Variants in GALNT13 observed in about 807,000 individuals in gnomAD.
GALNT13 encodes polypeptide N-acetylgalactosaminyltransferase 13.
Under a neutral mutation model 64.2 loss-of-function variants are expected in GALNT13, and 28 were observed. That is an observed-to-expected ratio of 0.44 (90% confidence interval 0.32 to 0.60). The LOEUF is 0.60. GALNT13 is among the 20% of genes least tolerant of loss of function. The pLI is 0.05. For missense variants in GALNT13, 577 were observed against 669.8 expected (o/e 0.86, Z 1.53); for synonymous variants, 214 against 224.6 (o/e 0.95, Z 0.42).
chr2:153,925,782 T>C (rs1690093726), intron 2 of GALNT13, among the ~76,000 whole-genome samples: 1 of 152,144 alleles, frequency 6.6e-6, no homozygotes, highest in Admixed American at 6.6e-5. Context: ...ATTTCCCTTG[T>C]CAGTTGTATT....
chr2:154,017,882 G>A (rs1697114823), intron 3 of GALNT13, among the ~76,000 whole-genome samples: 1 of 152,144 alleles, frequency 6.6e-6, no homozygotes, highest in African/African-American at 2.4e-5. Flanking sequence ...TTTTAGTTGT[G>A]ACATGTATTG....
the GALNT13 span, among the ~76,000 whole-genome samples, chr2:153,723,253 AC>A: frequency 2.0e-5 from 3 of 147,456 alleles, no homozygotes; most frequent in South Asian, 2.2e-4. Flanking sequence ...AAATTCAACA[AC>A]CCTTCATGCT....
At chr2:154,341,990 C>A (rs1695797419) in intron 9 of GALNT13, among the ~76,000 whole-genome samples, 1 of 151,918 alleles carries the variant, frequency 6.6e-6, no homozygotes, top group Non-Finnish European at 1.5e-5. Context: ...AAGTTTTGAG[C>A]CTGAACAAAC....
the GALNT13 span, among the ~76,000 whole-genome samples, chr2:153,161,534 A>G: frequency 6.6e-6 from 1 of 152,140 alleles, no homozygotes; most frequent in Non-Finnish European, 1.5e-5. Flanking sequence ...CTTAAATGGG[A>G]TGGTGATATT....
the GALNT13 span, among the ~76,000 whole-genome samples, chr2:153,855,728 C>T: frequency 2.0e-5 from 3 of 152,086 alleles, no homozygotes; most frequent in Non-Finnish European, 4.4e-5. Flanking sequence ...CAATTTCACT[C>T]CTAGGTATAT....
At chr2:154,052,260 A>T (rs1423198100) in intron 3 of GALNT13, among the ~76,000 whole-genome samples, 1 of 152,176 alleles carries the variant, frequency 6.6e-6, no homozygotes, top group Admixed American at 6.5e-5. Context: ...AAAATATCAT[A>T]ACCAAGGTAC....
At chr2:154,429,376 C>T (rs943961995) in intron 11 of GALNT13, among the ~76,000 whole-genome samples, 14 of 152,044 alleles carry the variant, frequency 9.2e-5, no homozygotes, top group African/African-American at 1.7e-4. Context: ...AGCCTTATTC[C>T]GTATATAGAG....
the GALNT13 span, among the ~76,000 whole-genome samples, chr2:153,109,409 C>T: frequency 2.0e-5 from 3 of 152,070 alleles, no homozygotes; most frequent in South Asian, 4.1e-4. Flanking sequence ...GATCTGAAGG[C>T]ATGTACATGC....
At chr2:154,285,004 T>C (rs1174800748) in intron 8 of GALNT13, among the ~76,000 whole-genome samples, 1 of 152,218 alleles carries the variant, frequency 6.6e-6, no homozygotes, top group Non-Finnish European at 1.5e-5. Flanking sequence ...TTTTCATAGA[T>C]GTTAGTGATT....
chr2:154,397,472 G>A (rs1474629930), intron 10 of GALNT13, among the ~76,000 whole-genome samples: 3 of 152,056 alleles, frequency 2.0e-5, no homozygotes, highest in Admixed American at 6.6e-5. Context: ...ATGCACTTAG[G>A]AAATAATTAT....
the GALNT13 span, among the ~76,000 whole-genome samples, chr2:153,230,415 T>A: frequency 6.6e-6 from 1 of 152,182 alleles, no homozygotes; most frequent in Non-Finnish European, 1.5e-5. Context: ...TTAAACAGCT[T>A]CTCTTCTGAC....
At chr2:153,262,325 G>T in the GALNT13 span, among the ~76,000 whole-genome samples, 1 of 152,128 alleles carries the variant, frequency 6.6e-6, no homozygotes, top group South Asian at 2.1e-4. Context: ...ATTCAATATA[G>T]CAGGTTTCCT....
chr2:154,207,636 T>C (rs1687537064), intron 4 of GALNT13, among the ~76,000 whole-genome samples: 1 of 152,178 alleles, frequency 6.6e-6, no homozygotes, highest in Admixed American at 6.6e-5. Flanking sequence ...GTAATGTGTA[T>C]ATAGTAAATA....
intron 3 of GALNT13, among the ~76,000 whole-genome samples, chr2:153,997,660 ATACTT>A (rs1333413334): frequency 3.3e-5 from 5 of 152,130 alleles, no homozygotes; most frequent in East Asian, 1.9e-4. Context: ...TTTTTAAACT[ATACTT>A]TAAGTTCTGG....
chr2:153,371,956 T>G, the GALNT13 span, among the ~76,000 whole-genome samples: 1 of 152,254 alleles, frequency 6.6e-6, no homozygotes, highest in South Asian at 2.1e-4. Context: ...TGCCTCTGCG[T>G]TTTGTTGGAA....
At chr2:154,401,026 T>G (rs1360234364) in intron 10 of GALNT13, among the ~76,000 whole-genome samples, 2 of 152,196 alleles carry the variant, frequency 1.3e-5, no homozygotes, top group Non-Finnish European at 2.9e-5. Context: ...TCTTGGTGCT[T>G]AAAATTTGCA....
the GALNT13 span, among the ~76,000 whole-genome samples, chr2:153,089,924 C>A: frequency 6.6e-6 from 1 of 152,010 alleles, no homozygotes; most frequent in African/African-American, 2.4e-5. Context: ...CTTCTGAATT[C>A]TTTATCTGGC....
the GALNT13 span, among the ~76,000 whole-genome samples, chr2:153,459,417 C>T: frequency 6.6e-6 from 1 of 152,002 alleles, no homozygotes; most frequent in Non-Finnish European, 1.5e-5. Context: ...GGAGTTCAAA[C>T]CCTGGGCAAC....
the GALNT13 span, among the ~76,000 whole-genome samples, chr2:153,783,685 TG>T: frequency 2.6e-5 from 4 of 152,124 alleles, no homozygotes; most frequent in Non-Finnish European, 5.9e-5. Flanking sequence ...AATTCTATCA[TG>T]GGAACAGTTT....
Sources: allele counts gnomAD v4.1 joint callset (sites outside exome capture counted in the v4.1 genomes callset), GRCh38; gene constraint gnomAD v4.1.1; transcripts MANE v1.5; gene names NCBI Gene and HGNC (gene_info 2026-07-23, HGNC 2026-07-21).